Variants in GALNT11 observed in about 807,000 individuals in gnomAD.
GALNT11 encodes UDP-GalNAc:polypeptide N-acetylgalactosaminyltransferase 11.
Under a neutral mutation model 72.7 loss-of-function variants are expected in GALNT11, and 47 were observed. That is an observed-to-expected ratio of 0.65 (90% CI 0.51 to 0.82). The LOEUF is 0.82. Ranked by LOEUF, GALNT11 falls within the 40% of genes least tolerant of loss-of-function variation. The probability of loss-of-function intolerance (pLI) is 0.00; values close to 1 mark genes in which losing one functional copy is unlikely to be tolerated. For missense variants in GALNT11, 677 were observed against 778.4 expected, an observed-to-expected ratio of 0.87 and a Z score of 1.55; for synonymous variants, 270 against 286.6, an observed-to-expected ratio of 0.94 and a Z score of 0.58.
chr7:152,121,055 C>T (rs1171978373), intron 11 of GALNT11, 87 bp downstream of exon 11: 3 of 1,496,018 alleles, frequency 2.0e-6, no homozygotes, highest in African/African-American at 1.4e-5. Context: ...CATTTTCTAC[C>T]TTGGGGGTGG....
chr7:152,083,964 A>T (rs1424233921), intron 1 of GALNT11, among the ~76,000 whole-genome samples: 1 of 152,140 alleles, frequency 6.6e-6, no homozygotes, highest in African/African-American at 2.4e-5. Flanking sequence ...ATATTCATAA[A>T]TGAGACTTTT....
At chr7:152,068,910 G>A (rs561502033) in intron 1 of GALNT11, among the ~76,000 whole-genome samples, 10 of 151,874 alleles carry the variant, frequency 6.6e-5, no homozygotes, top group Non-Finnish European at 1.0e-4. Flanking sequence ...TGTCAGACAA[G>A]TAAAATGGGC....
intron 1 of GALNT11, among the ~76,000 whole-genome samples, chr7:152,037,260 A>G (rs79718586): frequency 6.6e-6 from 1 of 152,152 alleles, no homozygotes; most frequent in South Asian, 2.1e-4. Flanking sequence ...ATAGGGATCT[A>G]GTTTCATTCT....
Position 152,121,944 on chromosome 7 carries a change from C to T in GALNT11, c.*267C>T. 5.9e-6 allele frequency: 2 copies of T among 339,710 alleles called. No individual in the cohort carries two copies. Among genetic ancestry groups the T allele is most frequent in the South Asian group, 1.4e-4 (2 of 14,120 alleles). 21.0% of individuals were successfully genotyped at this position (339,710 alleles called of 1,614,324 possible). ...CCTGGACATTAAGGTGATGTTTGAG[C>T]TGCTGTTAAGGAATTTCTTGCTTAT... On this transcript the variant is annotated 3_prime_UTR_variant, in exon 12 of 12. Coordinates refer to ENST00000430044, the MANE Select transcript of GALNT11 (RefSeq NM_022087.4).
chr7:152,103,565 C>T (rs781260411), intron 4 of GALNT11: 22 of 322,262 alleles, frequency 6.8e-5, no homozygotes, highest in Admixed American at 2.2e-4. Flanking sequence ...GTTACAAAGA[C>T]GGCCTATGTA....
intron 2 of GALNT11, among the ~76,000 whole-genome samples, chr7:152,097,027 C>G (rs185269077): frequency 3.0e-4 from 45 of 152,202 alleles, no homozygotes; most frequent in Middle Eastern, 6.8e-3. Context: ...AAGGTTTCAC[C>G]ATGTTGCCCA....
chr7:152,101,074 A>G (rs2086842068), intron 3 of GALNT11, among the ~76,000 whole-genome samples, 153 bp downstream of exon 3: 1 of 152,212 alleles, frequency 6.6e-6, no homozygotes, highest in Non-Finnish European at 1.5e-5. Flanking sequence ...CTTGTATTAT[A>G]TGTGAAGCCA....
intron 1 of GALNT11, among the ~76,000 whole-genome samples, chr7:152,051,362 T>A (rs963869059): frequency 6.6e-6 from 1 of 152,180 alleles, no homozygotes; most frequent in East Asian, 1.9e-4. Context: ...CTTCATATAT[T>A]TTTAAAATGA....
rs1470973156 is a variant in GALNT11 at position 152,094,477 on chromosome 7, G to T, written c.250G>T (p.Val84Phe). The change falls in exon 2 of 12, where the codon GTT (valine) becomes TTT (phenylalanine). Residue 84 changes from valine to phenylalanine, a missense_variant. By Grantham distance (50) the Val-to-Phe change is conservative. Coordinates refer to ENST00000430044, the MANE Select transcript of GALNT11 (RefSeq NM_022087.4). The surrounding 1 kb of genome is among the most constrained non-coding windows in gnomAD (Gnocchi z 4.3). ...NKIDDVIDSR[V>F]EDPEEGHLKF... is the part of the protein sequence containing the mutation. Reference sequence around the variant, plus strand: ...AATTGACGATGTGATAGACAGTCGTGTTGAAGATCCAGAAGAAGGCCACTT... The same window carrying T: ...AATTGACGATGTGATAGACAGTCGTTTTGAAGATCCAGAAGAAGGCCACTT... 1.9e-6 allele frequency: 3 copies of T among 1,613,606 alleles called. No homozygotes were observed. Among genetic ancestry groups the T allele is most frequent in the Non-Finnish European group, 2.5e-6 (3 of 1,179,706 alleles).
chr7:152,069,417 C>T (rs981801250), intron 1 of GALNT11, among the ~76,000 whole-genome samples: 8 of 152,146 alleles, frequency 5.3e-5, no homozygotes, highest in Non-Finnish European at 8.8e-5. Context: ...TTTCTATAAA[C>T]GTCATTTAGA....
chr7:152,068,539 T>TG (rs1238887299), intron 1 of GALNT11, among the ~76,000 whole-genome samples: 4 of 152,230 alleles, frequency 2.6e-5, no homozygotes, highest in African/African-American at 9.6e-5. Context: ...CATTTTTTCT[T>TG]GCATTTGTGG....
At chr7:152,071,659 G>A (rs1184008093) in intron 1 of GALNT11, among the ~76,000 whole-genome samples, 2 of 152,208 alleles carry the variant, frequency 1.3e-5, no homozygotes, top group Non-Finnish European at 2.9e-5. Flanking sequence ...GATTGGGGAA[G>A]TGATAAGTGT....
intron 9 of GALNT11, 125 bp downstream of exon 9, chr7:152,117,500 G>T: frequency 1.1e-6 from 1 of 914,192 alleles, no homozygotes; most frequent in Non-Finnish European, 1.7e-6. Flanking sequence ...GCTTCAGCTT[G>T]CCTTTCATTA....
At chr7:152,051,443 G>A (rs1443611640) in intron 1 of GALNT11, among the ~76,000 whole-genome samples, 4 of 151,750 alleles carry the variant, frequency 2.6e-5, no homozygotes, top group Non-Finnish European at 5.9e-5. Context: ...ACCTCTTGAG[G>A]GATATTAATA....
intron 5 of GALNT11, among the ~76,000 whole-genome samples, chr7:152,106,437 T>C (rs1489772181): frequency 6.6e-6 from 1 of 152,130 alleles, no homozygotes. Flanking sequence ...CACAGTGACC[T>C]GAAGCAATTA....
Position 152,046,143 on chromosome 7 carries a change from C to T in GALNT11, c.-39+20259C>T, listed in dbSNP as rs191131536. Among the ~76,000 whole-genome samples, 232 of 152,020 alleles carry T rather than the reference C, an allele frequency of 1.5e-3. 1 individual carries two copies. The highest frequency in any genetic ancestry group is 2.4e-3 in the Admixed American group (37 of 15,258). On this transcript the variant is annotated intron_variant, in intron 1 of 11. Coordinates refer to ENST00000430044, the MANE Select transcript of GALNT11 (RefSeq NM_022087.4). ...GATTCTAGTTTTATTCTGTTGTGGT[C>T]GGAGAAGATACTTGATATAATTTCA...
intron 1 of GALNT11, among the ~76,000 whole-genome samples, chr7:152,034,223 T>C (rs575180998): frequency 3.5e-4 from 54 of 152,278 alleles, no homozygotes; most frequent in Non-Finnish European, 5.3e-4. Context: ...GAAGGGTAGC[T>C]ATAGGGAGGA....
At chr7:152,070,005 T>C (rs1197089941) in intron 1 of GALNT11, among the ~76,000 whole-genome samples, 1 of 149,440 alleles carries the variant, frequency 6.7e-6, no homozygotes, top group African/African-American at 2.5e-5. Context: ...TTCTTTTTCT[T>C]TTTTTTTTTG....
At chr7:152,090,649 C>A (rs1236312520) in intron 1 of GALNT11, among the ~76,000 whole-genome samples, 1 of 143,744 alleles carries the variant, frequency 7.0e-6, no homozygotes, top group African/African-American at 2.6e-5. Flanking sequence ...TTCCCCCACC[C>A]CCCCACCCCA....
Sources: gnomAD v4.1 joint callset for allele counts (sites outside exome capture counted in the v4.1 genomes callset) on GRCh38, gnomAD v4.1.1 for gene constraint, Gnocchi (gnomAD v3.1) non-coding constraint, MANE v1.5 for transcripts, NCBI Gene and HGNC (gene_info 2026-07-23, HGNC 2026-07-21) for gene names.